Variants in HSF2BP observed in about 807,000 individuals in gnomAD.
HSF2BP encodes heat shock factor 2-binding protein.
A neutral mutation model predicts 35.0 loss-of-function variants in HSF2BP; 35 were observed. The observed-to-expected ratio is 1.00, with a 90% CI of 0.76 to 1.32. The LOEUF (loss-of-function observed/expected upper bound fraction) is 1.32. HSF2BP is among the 40% of genes most tolerant of loss of function. The pLI, the probability that HSF2BP is intolerant of heterozygous loss-of-function variation, is 0.00. For synonymous variants in HSF2BP, 114 were observed against 117.4 expected, an observed-to-expected ratio of 0.97 and a Z score of 0.18; for missense variants, 326 against 321.7, an observed-to-expected ratio of 1.01 and a Z score of -0.10.
chr21:43,640,157 T>G (rs2082616735), intron 4 of HSF2BP, among the ~76,000 whole-genome samples: 1 of 152,084 alleles, frequency 6.6e-6, no homozygotes, highest in South Asian at 2.1e-4. Flanking sequence ...AAAAATTAGC[T>G]GGGCATGGTG....
intron 8 of HSF2BP, among the ~76,000 whole-genome samples, chr21:43,590,329 T>C (rs1280110982): frequency 6.6e-6 from 1 of 152,196 alleles, no homozygotes; most frequent in Non-Finnish European, 1.5e-5. Flanking sequence ...GTATCCCTAT[T>C]GGAATGTCTA....
At chr21:43,579,758 GTTTTC>G (rs1039237195) in intron 8 of HSF2BP, among the ~76,000 whole-genome samples, 5 of 152,002 alleles carry the variant, frequency 3.3e-5, no homozygotes, top group African/African-American at 4.8e-5. Context: ...CTTCACTCTT[GTTTTC>G]TTTGAGTTCC....
At chr21:43,651,693 T>C (rs751488907) in intron 3 of HSF2BP, among the ~76,000 whole-genome samples, 7 of 152,204 alleles carry the variant, frequency 4.6e-5, no homozygotes, top group Non-Finnish European at 8.8e-5. Context: ...CCTTATTCCA[T>C]ACAGCAATCA....
At chr21:43,646,492 C>T (rs543743618) in intron 3 of HSF2BP, among the ~76,000 whole-genome samples, 1 of 152,276 alleles carries the variant, frequency 6.6e-6, no homozygotes, top group South Asian at 2.1e-4. Context: ...TTTTTCTTTG[C>T]ATTTAACTGT....
intron 4 of HSF2BP, among the ~76,000 whole-genome samples, chr21:43,633,622 A>T (rs1296692661): frequency 2.0e-5 from 3 of 152,272 alleles, no homozygotes; most frequent in African/African-American, 7.2e-5. Context: ...TTTGAGAAAT[A>T]TCTGAGGAAA....
intron 4 of HSF2BP, among the ~76,000 whole-genome samples, chr21:43,643,920 A>G (rs897096823): frequency 6.6e-6 from 1 of 151,386 alleles, no homozygotes; most frequent in African/African-American, 2.4e-5. Flanking sequence ...GCACCACTGC[A>G]CTCCAGCCTG....
At chr21:43,634,019 G>T (rs2082519545) in intron 4 of HSF2BP, among the ~76,000 whole-genome samples, 1 of 152,142 alleles carries the variant, frequency 6.6e-6, no homozygotes, top group Non-Finnish European at 1.5e-5. Context: ...AGCTAAACAG[G>T]GAAAGAAAAC....
chr21:43,598,401 T>TTTA (rs397690986), intron 7 of HSF2BP, among the ~76,000 whole-genome samples: 1 of 150,800 alleles, frequency 6.6e-6, no homozygotes, highest in Non-Finnish European at 1.5e-5. Context: ...TTTTTTTTTT[T>TTTA]AGTAGAGACG....
At chr21:43,571,970 C>T (rs1403378863) in intron 8 of HSF2BP, among the ~76,000 whole-genome samples, 28 of 152,142 alleles carry the variant, frequency 1.8e-4, no homozygotes. Context: ...GAGGGAACCA[C>T]CAACAGATCC....
intron 7 of HSF2BP, among the ~76,000 whole-genome samples, chr21:43,598,426 T>C (rs1286304708): frequency 6.6e-6 from 1 of 151,352 alleles, no homozygotes; most frequent in Non-Finnish European, 1.5e-5. Flanking sequence ...TTCACCATGT[T>C]GGCCAAGCTG....
At chr21:43,594,323 A>G (rs967752355) in intron 7 of HSF2BP, among the ~76,000 whole-genome samples, 1 of 152,214 alleles carries the variant, frequency 6.6e-6, no homozygotes, top group African/African-American at 2.4e-5. Context: ...GTGAGTGTAC[A>G]GAAGTAAACA....
chr21:43,642,016 C>T (rs763550500), intron 4 of HSF2BP, among the ~76,000 whole-genome samples: 3 of 151,874 alleles, frequency 2.0e-5, no homozygotes, highest in Non-Finnish European at 4.4e-5. Context: ...GTTTCCAGGG[C>T]CAGGTGCAGT....
chr21:43,650,331 C>A (rs933954988), intron 3 of HSF2BP, among the ~76,000 whole-genome samples: 3 of 151,930 alleles, frequency 2.0e-5, no homozygotes, highest in Admixed American at 2.0e-4. Context: ...CTCAGCCTCC[C>A]GAGTAGCTGG....
intron 3 of HSF2BP, among the ~76,000 whole-genome samples, chr21:43,655,495 A>C (rs577757485): frequency 6.6e-6 from 1 of 152,336 alleles, no homozygotes; most frequent in African/African-American, 2.4e-5. Flanking sequence ...CCACAGGAGC[A>C]GGGGCAGTCC....
the HSF2BP span, among the ~76,000 whole-genome samples, chr21:43,507,126 T>C: frequency 7.7e-6 from 1 of 129,772 alleles, no homozygotes; most frequent in Admixed American, 7.5e-5. Flanking sequence ...TCTTTCACTT[T>C]AAAACGCCCC....
chr21:43,575,805 G>A (rs1037573780), intron 8 of HSF2BP, among the ~76,000 whole-genome samples: 1 of 152,172 alleles, frequency 6.6e-6, no homozygotes, highest in African/African-American at 2.4e-5. Context: ...AGTGGTAAGT[G>A]CTAAGGATAT....
At chr21:43,600,151 G>A (rs2082034846) in intron 7 of HSF2BP, among the ~76,000 whole-genome samples, 1 of 152,164 alleles carries the variant, frequency 6.6e-6, no homozygotes, top group Non-Finnish European at 1.5e-5. Flanking sequence ...CAAGCACAAG[G>A]TGTGAAAAGC....
chr21:43,605,515 G>T (rs915249956), intron 7 of HSF2BP, among the ~76,000 whole-genome samples: 1 of 92,418 alleles, frequency 1.1e-5, no homozygotes, highest in Non-Finnish European at 2.1e-5. Context: ...ATCCCCCCAC[G>T]CACCTCCCAC....
chr21:43,632,385 C>CCCA (rs1555873385), intron 5 of HSF2BP, among the ~76,000 whole-genome samples: 13 of 90,922 alleles, frequency 1.4e-4, no homozygotes, highest in African/African-American at 5.5e-4. Context: ...CGCTCCCCCC[C>CCCA]CACACACACA....
Sources: gnomAD v4.1 joint callset for allele counts (sites outside exome capture counted in the v4.1 genomes callset) on GRCh38, gnomAD v4.1.1 for gene constraint, MANE v1.5 for transcripts, NCBI Gene and HGNC (gene_info 2026-07-23, HGNC 2026-07-21) for gene names.